The following VAMP3 variants were observed in gnomAD, a reference collection of about 807,000 sequenced individuals.
The protein encoded by VAMP3 is vesicle associated membrane protein 3, also known as vesicle-associated membrane protein 3.
In VAMP3, 11 loss-of-function variants were observed where a neutral mutation model predicts 18.1. That is an observed-to-expected ratio of 0.61 (90% CI 0.38 to 1.00). The LOEUF (loss-of-function observed/expected upper bound fraction) is 1.00, where lower values mean the gene tolerates loss of function less well. Among genes scored for constraint, VAMP3 ranks in the 50% least tolerant of loss-of-function variants. VAMP3 has a pLI of 0.01. For missense variants in VAMP3, 122 were observed against 127.3 expected (o/e 0.96, Z 0.20); for synonymous variants, 49 against 43.1 (o/e 1.14, Z -0.53).
intron 2 of VAMP3, among the ~76,000 whole-genome samples, chr1:7,774,969 G>A (rs775286878): frequency 7.9e-5 from 12 of 152,162 alleles, no homozygotes; most frequent in Admixed American, 2.6e-4. Context: ...ATTTTACGAG[G>A]AACTGCCAAA....
At chr1:7,775,580 C>T (rs1332011309) in intron 2 of VAMP3, among the ~76,000 whole-genome samples, 1 of 152,232 alleles carries the variant, frequency 6.6e-6, no homozygotes, top group Non-Finnish European at 1.5e-5. Context: ...AACTCCTGAT[C>T]TCAGGTGATC....
rs762275467 is a variant in VAMP3, at chr1:7,779,805, G to A, written c.*160G>A. 19 of 917,724 alleles carry A rather than the reference G, an allele frequency of 2.1e-5. No homozygotes were observed. The highest frequency in any genetic ancestry group is 3.0e-5 in the Non-Finnish European group (18 of 609,068). 56.8% of individuals were successfully genotyped at this position (917,724 alleles called of 1,614,324 possible). On this transcript the variant is annotated 3_prime_UTR_variant, in exon 5 of 5. Transcript: ENST00000054666. Reference sequence around the variant, plus strand: ...GAAACGTGCCTTTGTTTTTTAATATGCACTCCAAATTAGAAGGCCGGCCCC... The same window carrying A: ...GAAACGTGCCTTTGTTTTTTAATATACACTCCAAATTAGAAGGCCGGCCCC...
intron 2 of VAMP3, chr1:7,776,678 A>G (rs1417898604): frequency 6.6e-6 from 1 of 152,378 alleles, no homozygotes; most frequent in African/African-American, 2.4e-5. Context: ...ATTCCCTTCT[A>G]TCCTTAATAT....
At chr1:7,778,043 ATAT>A in intron 3 of VAMP3, 72 bp from the exon 4 acceptor site, 3 of 1,482,888 alleles carry the variant, frequency 2.0e-6, no homozygotes, top group Non-Finnish European at 2.8e-6. Flanking sequence ...GACTAGATGA[ATAT>A]TATATAATAC....
intron 2 of VAMP3, among the ~76,000 whole-genome samples, chr1:7,774,452 TGA>T (rs2097053136): frequency 1.3e-5 from 2 of 152,184 alleles, no homozygotes; most frequent in African/African-American, 4.8e-5. Flanking sequence ...TGTATATAAT[TGA>T]GTGTTATTTA....
intron 2 of VAMP3, among the ~76,000 whole-genome samples, chr1:7,773,901 A>G (rs1455305580): frequency 1.3e-5 from 2 of 152,070 alleles, no homozygotes; most frequent in Non-Finnish European, 2.9e-5. Context: ...TTTTTTATCA[A>G]AATGCTTTGT....
At chr1:7,773,714 G>A (rs1359006713) in intron 2 of VAMP3, among the ~76,000 whole-genome samples, 1 of 152,160 alleles carries the variant, frequency 6.6e-6, no homozygotes, top group Non-Finnish European at 1.5e-5. Flanking sequence ...TTGTTTTCCT[G>A]TGATAGAAAC....
intron 4 of VAMP3, 81 bp from the exon 5 acceptor site, chr1:7,779,545 C>A: frequency 6.3e-7 from 1 of 1,586,090 alleles, no homozygotes; most frequent in Non-Finnish European, 8.7e-7. Flanking sequence ...TAGACTGCAG[C>A]ATTGGATGTT....
At chr1:7,771,438 GCGCT>G in intron 1 of VAMP3, 53 bp downstream of exon 1, 1 of 1,503,710 alleles carries the variant, frequency 6.7e-7, no homozygotes, top group African/African-American at 1.4e-5. Flanking sequence ...GCGGCAGCTC[GCGCT>G]GGGACCGCCA....
rs1228266129 is a variant in VAMP3, at chr1:7,777,461, C to T, written c.231+143C>T. ...TGGAAATGTGGGTCCACTGTGAATC[C>T]GAAACACTGACTGCATACCCTTTCC... On this transcript the variant is annotated intron_variant, in intron 3 of 4. Coordinates refer to ENST00000054666, the MANE Select transcript of VAMP3 (RefSeq NM_004781.4). 4 of 1,082,432 alleles carry T rather than the reference C, an allele frequency of 3.7e-6. No homozygotes were observed. The Admixed American group carries it at 8.5e-5, about 23-fold the overall frequency. 67.1% of individuals were successfully genotyped at this position (1,082,432 alleles called of 1,614,324 possible). A position where few individuals can be genotyped will look rare whatever the true frequency, so the allele number is the denominator to read the frequency against.
At chr1:7,772,399 G>A (rs1027432580) in intron 1 of VAMP3, among the ~76,000 whole-genome samples, 2 of 152,200 alleles carry the variant, frequency 1.3e-5, no homozygotes, top group African/African-American at 2.4e-5. Context: ...CACATGCTAG[G>A]TGCTATCTAG....
Position 7,777,219 on chromosome 1 carries a change from T to C in VAMP3, c.132T>C (p.Ser44=). ...TTCTGGAAAGAGACCAGAAGCTCTC[T>C]GAGTTAGACGACCGTGCAGACGCAC... is the stretch of plus-strand genomic sequence containing the variant. ...DKVLERDQKL[S]ELDDRADALQ... The change falls in exon 3 of 5, where the codon TCT becomes TCC. Residue 44 remains serine (S), a synonymous_variant. Transcript: ENST00000054666. 1.2e-6 allele frequency: 2 copies of C among 1,613,926 alleles called. No homozygotes were observed. Among genetic ancestry groups the C allele is most frequent in the Non-Finnish European group, 1.7e-6 (2 of 1,179,944 alleles).
chr1:7,774,312 T>C (rs755594122), intron 2 of VAMP3, among the ~76,000 whole-genome samples: 1 of 152,198 alleles, frequency 6.6e-6, no homozygotes, highest in Non-Finnish European at 1.5e-5. Flanking sequence ...ATTGTAATTC[T>C]GTCCTGCCTG....
Position 7,771,296 on chromosome 1 carries a change from G to C in VAMP3, c.-88G>C. The stretch of plus-strand genomic sequence containing the variant: ...TGACGTCTTTGCCCCGCGCCGCGCC[G>C]TCCCACCCATCTCCCTGGCCTCCGG... On this transcript the variant is annotated 5_prime_UTR_variant, in exon 1 of 5. Transcript: ENST00000054666. 2.7e-6 allele frequency: 4 copies of C among 1,485,004 alleles called. No homozygotes were observed. Among genetic ancestry groups the C allele is most frequent in the Non-Finnish European group, 3.6e-6 (4 of 1,103,612 alleles). The allele number at this position is 1,485,004 out of a possible 1,614,324, so 92.0% of individuals were successfully genotyped here. A position where few individuals can be genotyped will look rare whatever the true frequency, so the allele number is the denominator to read the frequency against.
chr1:7,780,023 CT>C lies in VAMP3; in HGVS notation c.*380del. On this transcript the variant is annotated 3_prime_UTR_variant, in exon 5 of 5. Coordinates refer to ENST00000054666, the MANE Select transcript of VAMP3 (RefSeq NM_004781.4). ...AACCTTTGGGTAATCAGATTTCCAA[CT>C]TATGCCTTCCAGAAAAAAACACTAC... The C allele has an allele frequency of 5.1e-6, 1 of 196,566 alleles. No homozygotes were observed. Among genetic ancestry groups the C allele is most frequent in the Non-Finnish European group, 1.0e-5 (1 of 95,500 alleles). The allele number at this position is 196,566 out of a possible 1,614,324, so 12.2% of individuals were successfully genotyped here. A position where few individuals can be genotyped will look rare whatever the true frequency, so the allele number is the denominator to read the frequency against.
intron 2 of VAMP3, among the ~76,000 whole-genome samples, chr1:7,775,903 T>C (rs1357671032): frequency 6.6e-6 from 1 of 152,240 alleles, no homozygotes; most frequent in Non-Finnish European, 1.5e-5. Flanking sequence ...ATGTTGGCTC[T>C]TCAATTGGCC....
rs965617367 is a variant in VAMP3 at position 7,780,491 on chromosome 1, G to A, written c.*846G>A. The A allele has an allele frequency of 3.3e-5, 5 of 152,684 alleles. No homozygotes were observed. The highest frequency in any genetic ancestry group is 9.7e-5 in the African/African-American group (4 of 41,448). 9.5% of individuals were successfully genotyped at this position (152,684 alleles called of 1,614,324 possible). ...TCTTCCTTTTGAAAGGCTGTAGACA[G>A]TGTGGCTCCCCTTCTGATTCAGTAT... On this transcript the variant is annotated 3_prime_UTR_variant, in exon 5 of 5. Transcript: ENST00000054666.
intron 4 of VAMP3, 52 bp from the exon 5 acceptor site, chr1:7,779,574 A>G (rs1377182524): frequency 1.2e-6 from 2 of 1,613,316 alleles, no homozygotes; most frequent in African/African-American, 2.7e-5. Flanking sequence ...ATTCACACTG[A>G]GAGACTAACC....
chr1:7,776,176 G>C (rs964737886), intron 2 of VAMP3, among the ~76,000 whole-genome samples: 4 of 152,204 alleles, frequency 2.6e-5, no homozygotes, highest in African/African-American at 9.7e-5. Flanking sequence ...CCCATTTAAT[G>C]ATGTCTCTTA....
Sources: gnomAD v4.1 joint callset for allele counts (sites outside exome capture counted in the v4.1 genomes callset) on GRCh38, gnomAD v4.1.1 for gene constraint, MANE v1.5 for transcripts, NCBI Gene and HGNC (gene_info 2026-07-23, HGNC 2026-07-21) for gene names.